The following TIMM10B variants were observed in gnomAD, a reference collection of about 807,000 sequenced individuals.
The protein encoded by TIMM10B is translocase of inner mitochondrial membrane 10B.
TIMM10B carries 17 observed loss-of-function variants against 12.6 expected under a neutral mutation model. That is an observed-to-expected ratio of 1.35 (90% CI 0.92 to 2.03). The LOEUF (loss-of-function observed/expected upper bound fraction) is 2.03, where lower values mean the gene tolerates loss of function less well. TIMM10B is among the 30% of genes most tolerant of loss of function. The pLI is 0.00. For missense variants in TIMM10B, 165 were observed against 133.3 expected (o/e 1.24, Z -1.17); for synonymous variants, 63 against 51.3 (o/e 1.23, Z -0.97).
rs1398868038 is a variant in TIMM10B, at chr11:6,483,794, C to G, written c.*1573C>G. On this transcript the variant is annotated 3_prime_UTR_variant, in exon 3 of 3. Transcript: ENST00000254616. The stretch of plus-strand genomic sequence containing the variant: ...TACAACTACCTACAAAGCAGATGTT[C>G]TATCCTATCTACAGAGCAGAAAATT... 6.6e-6 allele frequency: 1 copy of G among 152,178 alleles called. No homozygotes were observed. The highest frequency in any genetic ancestry group is 6.5e-5 in the Admixed American group (1 of 15,278). The allele number at this position is 152,178 out of a possible 1,614,324, so 9.4% of individuals were successfully genotyped here.
rs1034049849 is a variant in TIMM10B, at chr11:6,483,564, C to T, written c.*1343C>T. The T allele has an allele frequency of 6.6e-6, 1 of 152,404 alleles. No individual in the cohort carries two copies. Among genetic ancestry groups the T allele is most frequent in the Non-Finnish European group, 1.5e-5 (1 of 68,060 alleles). The allele number at this position is 152,404 out of a possible 1,614,324, so 9.4% of individuals were successfully genotyped here. On this transcript the variant is annotated 3_prime_UTR_variant, in exon 3 of 3. Coordinates refer to ENST00000254616, the MANE Select transcript of TIMM10B (RefSeq NM_012192.4). The stretch of plus-strand genomic sequence containing the variant: ...TCAAGGCCTCCAACCTCAGCCAAGT[C>T]CTCACACCAACACGCAGTCACACCA...
Position 6,482,315 on chromosome 11 carries a change from T to G in TIMM10B, c.*94T>G. The G allele has an allele frequency of 8.0e-7, 1 of 1,251,008 alleles. No homozygotes were observed. Among genetic ancestry groups the G allele is most frequent in the Non-Finnish European group, 1.1e-6 (1 of 921,690 alleles). 77.5% of individuals were successfully genotyped at this position (1,251,008 alleles called of 1,614,324 possible). A position where few individuals can be genotyped will look rare whatever the true frequency, so the allele number is the denominator to read the frequency against. On this transcript the variant is annotated 3_prime_UTR_variant, in exon 3 of 3. Transcript: ENST00000254616. Reference sequence around the variant, plus strand: ...GTTGGTGAATCCTAAACAGAGAGAATTCGAGGTTGCCTGAAAGCTGGGTGT... The same window carrying G: ...GTTGGTGAATCCTAAACAGAGAGAAGTCGAGGTTGCCTGAAAGCTGGGTGT...
In TIMM10B at chr11:6,481,861, C is replaced by T. The variant is rs1554961153; in HGVS notation, c.135+9C>T. ...CTCTGGACGCTGAGGAGGTGGGGAA[C>T]TGTGTAGGGAGGTTACGCTGCAAGA... is the stretch of plus-strand genomic sequence containing the variant. On this transcript the variant is annotated intron_variant, in intron 2 of 2. Transcript: ENST00000254616. 3 of 1,613,550 alleles carry T rather than the reference C, an allele frequency of 1.9e-6. No individual in the cohort carries two copies. Among genetic ancestry groups the T allele is most frequent in the Admixed American group, 3.3e-5 (2 of 60,020 alleles).
chr11:6,482,817 T>C lies in TIMM10B; in HGVS notation c.*596T>C, dbSNP rs1851849668. The C allele has an allele frequency of 6.6e-6, 1 of 152,534 alleles. No individual in the cohort carries two copies. Among genetic ancestry groups the C allele is most frequent in the Non-Finnish European group, 1.5e-5 (1 of 68,250 alleles). 9.4% of individuals were successfully genotyped at this position (152,534 alleles called of 1,614,324 possible). A position where few individuals can be genotyped will look rare whatever the true frequency, so the allele number is the denominator to read the frequency against. The stretch of plus-strand genomic sequence containing the variant: ...TTGTTGGTTCATAACTGTTGTTTTG[T>C]GAACTATGTCTTACATGTCTAGAGT... On this transcript the variant is annotated 3_prime_UTR_variant, in exon 3 of 3. Coordinates refer to ENST00000254616, the MANE Select transcript of TIMM10B (RefSeq NM_012192.4).
rs1001483841 is a variant in TIMM10B at position 6,482,248 on chromosome 11, C to T, written c.*27C>T. On this transcript the variant is annotated 3_prime_UTR_variant, in exon 3 of 3. Coordinates refer to ENST00000254616, the MANE Select transcript of TIMM10B (RefSeq NM_012192.4). ...CATACCCAACCCCAGGAAGGAAGGC[C>T]TTGGATGGACCCTCAGATTGAAGGA... 1.1e-5 allele frequency: 17 copies of T among 1,579,920 alleles called. No individual in the cohort carries two copies. Among genetic ancestry groups the T allele is most frequent in the Non-Finnish European group, 1.5e-5 (17 of 1,161,950 alleles).
Position 6,482,389 on chromosome 11 carries a change from A to G in TIMM10B, c.*168A>G. 2 of 619,458 alleles carry G rather than the reference A, an allele frequency of 3.2e-6. No homozygotes were observed. Among genetic ancestry groups the G allele is most frequent in the South Asian group, 2.2e-5 (1 of 45,442 alleles). 38.4% of individuals were successfully genotyped at this position (619,458 alleles called of 1,614,324 possible). A position where few individuals can be genotyped will look rare whatever the true frequency, so the allele number is the denominator to read the frequency against. ...ATATACCCAGTTTTTACTCAGTTTGATTTATATTCTGGGCAAGGAAGCTTT... is the reference window on the plus strand; with the variant it reads ...ATATACCCAGTTTTTACTCAGTTTGGTTTATATTCTGGGCAAGGAAGCTTT... On this transcript the variant is annotated 3_prime_UTR_variant, in exon 3 of 3. Transcript: ENST00000254616.
Position 6,482,237 on chromosome 11 carries a change from G to A in TIMM10B, c.*16G>A, listed in dbSNP as rs1851824404. ...AGGCAGCTAGCCATACCCAACCCCA[G>A]GAAGGAAGGCCTTGGATGGACCCTC... On this transcript the variant is annotated 3_prime_UTR_variant, in exon 3 of 3. Transcript: ENST00000254616. 1.9e-6 allele frequency: 3 copies of A among 1,592,752 alleles called. No homozygotes were observed. The African/African-American group carries it at 4.0e-5, about 21-fold the overall frequency.
chr11:6,482,407 G>A lies in TIMM10B; in HGVS notation c.*186G>A. On this transcript the variant is annotated 3_prime_UTR_variant, in exon 3 of 3. Coordinates refer to ENST00000254616, the MANE Select transcript of TIMM10B (RefSeq NM_012192.4). The stretch of plus-strand genomic sequence containing the variant: ...CAGTTTGATTTATATTCTGGGCAAG[G>A]AAGCTTTGCCTACTTTATTGGCACA... 1 of 588,470 alleles carries A rather than the reference G, an allele frequency of 1.7e-6. No homozygotes were observed. Among genetic ancestry groups the A allele is most frequent in the Non-Finnish European group, 3.0e-6 (1 of 336,668 alleles). 36.5% of individuals were successfully genotyped at this position (588,470 alleles called of 1,614,324 possible). A position where few individuals can be genotyped will look rare whatever the true frequency, so the allele number is the denominator to read the frequency against.
At chr11:6,481,589 G>C (rs1476446260) in intron 1 of TIMM10B, 34 bp downstream of exon 1, 1 of 1,585,694 alleles carries the variant, frequency 6.3e-7, no homozygotes, top group Admixed American at 1.8e-5. Context: ...GAGGCCAGAC[G>C]TTCAGCTCGC....
At position 6,481,868 on chromosome 11, in the gene TIMM10B, G is replaced by A; in HGVS notation, c.135+16G>A. ...CGCTGAGGAGGTGGGGAACTGTGTAGGGAGGTTACGCTGCAAGAAGAGTTT... is the reference window on the plus strand; with the variant it reads ...CGCTGAGGAGGTGGGGAACTGTGTAAGGAGGTTACGCTGCAAGAAGAGTTT... On this transcript the variant is annotated intron_variant, in intron 2 of 2. Coordinates refer to ENST00000254616, the MANE Select transcript of TIMM10B (RefSeq NM_012192.4). 6.2e-7 allele frequency: 1 copy of A among 1,613,188 alleles called. No individual in the cohort carries two copies. The highest frequency in any genetic ancestry group is 8.5e-7 in the Non-Finnish European group (1 of 1,179,946).
At chr11:6,481,978 G>A (rs1181879775) in intron 2 of TIMM10B, 67 bp from the exon 3 acceptor site, 3 of 1,594,270 alleles carry the variant, frequency 1.9e-6, no homozygotes, top group Admixed American at 1.7e-5. Flanking sequence ...GGCTGGGCAT[G>A]GGGAAGAAAG....
rs1048121 is a variant in TIMM10B, at chr11:6,482,345, G to A, written c.*124G>A. 0.17 allele frequency: 151,630 copies of A among 891,588 alleles called. 14,206 individuals are homozygous for A. Among genetic ancestry groups the A allele is most frequent in the South Asian group, 0.22 (12,652 of 56,610 alleles). 55.2% of individuals were successfully genotyped at this position (891,588 alleles called of 1,614,324 possible). A position where few individuals can be genotyped will look rare whatever the true frequency, so the allele number is the denominator to read the frequency against. On this transcript the variant is annotated 3_prime_UTR_variant, in exon 3 of 3. Coordinates refer to ENST00000254616, the MANE Select transcript of TIMM10B (RefSeq NM_012192.4). The stretch of plus-strand genomic sequence containing the variant: ...GGTTGCCTGAAAGCTGGGTGTCCTT[G>A]CTCCTTTTCCTGGAGCCAATATACC...
At position 6,482,454 on chromosome 11, in the gene TIMM10B, T is replaced by C; in HGVS notation, c.*233T>C. On this transcript the variant is annotated 3_prime_UTR_variant, in exon 3 of 3. Transcript: ENST00000254616. The stretch of plus-strand genomic sequence containing the variant: ...CACAATCCGTTGTTCTGTCGTTTAG[T>C]GCATATCTGCTGGCTTCAGCCCTGG... 2.0e-6 allele frequency: 1 copy of C among 506,572 alleles called. No individual in the cohort carries two copies. 31.4% of individuals were successfully genotyped at this position (506,572 alleles called of 1,614,324 possible). A position where few individuals can be genotyped will look rare whatever the true frequency, so the allele number is the denominator to read the frequency against.
Position 6,482,108 on chromosome 11 carries a change from T to G in TIMM10B, c.199T>G (p.Tyr67Asp), listed in dbSNP as rs1364744884. ...IHSNHRLMAA[Y>D]VQLMPALVQR... is the part of the protein sequence containing the mutation. ...TTCCAACCACCGCCTCATGGCCGCT[T>G]ACGTGCAGCTCATGCCTGCCCTGGT... The change falls in exon 3 of 3, where the codon TAC becomes GAC. Residue 67 changes from tyrosine (Y) to aspartate (D), a missense_variant. By Grantham distance (160) the Tyr-to-Asp change is radical (BLOSUM62 -3). Transcript: ENST00000254616. The G allele has an allele frequency of 1.2e-6, 2 of 1,613,818 alleles. No homozygotes were observed. The highest frequency in any genetic ancestry group is 1.7e-6 in the Non-Finnish European group (2 of 1,180,044).
chr11:6,482,238 G>A lies in TIMM10B; in HGVS notation c.*17G>A, dbSNP rs1851824611. The A allele has an allele frequency of 6.3e-7, 1 of 1,592,370 alleles. No homozygotes were observed. The highest frequency in any genetic ancestry group is 1.1e-5 in the South Asian group (1 of 90,662). On this transcript the variant is annotated 3_prime_UTR_variant, in exon 3 of 3. Coordinates refer to ENST00000254616, the MANE Select transcript of TIMM10B (RefSeq NM_012192.4). ...GGCAGCTAGCCATACCCAACCCCAG[G>A]AAGGAAGGCCTTGGATGGACCCTCA...
chr11:6,483,987 ATAAG>A lies in TIMM10B; in HGVS notation c.*1771_*1774del, dbSNP rs1414195496. The stretch of plus-strand genomic sequence containing the variant: ...CTTTATATTAATCTTTACAACAACT[ATAAG>A]TAAGAGGTATTAACCTCACTTAACA... On this transcript the variant is annotated 3_prime_UTR_variant, in exon 3 of 3. Transcript: ENST00000254616. The A allele has an allele frequency of 1.3e-5, 2 of 152,232 alleles. No individual in the cohort carries two copies. 9.4% of individuals were successfully genotyped at this position (152,232 alleles called of 1,614,324 possible). A position where few individuals can be genotyped will look rare whatever the true frequency, so the allele number is the denominator to read the frequency against.
In TIMM10B at chr11:6,481,819, C is replaced by T; in HGVS notation, c.102C>T (p.Pro34=). 2 of 1,613,700 alleles carry T rather than the reference C, an allele frequency of 1.2e-6. 1 individual carries two copies. Among genetic ancestry groups the T allele is most frequent in the Non-Finnish European group, 1.7e-6 (2 of 1,179,952 alleles). Residue 34 remains proline, a synonymous_variant, in exon 2 of 3, where the codon CCC becomes CCT. Coordinates refer to ENST00000254616, the MANE Select transcript of TIMM10B (RefSeq NM_012192.4). ...MTELCFQRCV[P]SLHHRALDAE... is the part of the protein sequence containing the mutation. ...AACTCTGCTTCCAGCGCTGTGTGCC[C>T]AGCTTGCACCACCGAGCTCTGGACG...
Position 6,483,992 on chromosome 11 carries a change from T to C in TIMM10B, c.*1771T>C, listed in dbSNP as rs566751875. On this transcript the variant is annotated 3_prime_UTR_variant, in exon 3 of 3. Coordinates refer to ENST00000254616, the MANE Select transcript of TIMM10B (RefSeq NM_012192.4). ...TATTAATCTTTACAACAACTATAAGTAAGAGGTATTAACCTCACTTAACAG... is the reference window on the plus strand; with the variant it reads ...TATTAATCTTTACAACAACTATAAGCAAGAGGTATTAACCTCACTTAACAG... The C allele has an allele frequency of 2.6e-5, 4 of 152,302 alleles. No homozygotes were observed. The South Asian group carries it at 8.3e-4, about 32-fold the overall frequency. 9.4% of individuals were successfully genotyped at this position (152,302 alleles called of 1,614,324 possible).
chr11:6,483,555 C>T lies in TIMM10B; in HGVS notation c.*1334C>T, dbSNP rs1002483645. 1 of 152,428 alleles carries T rather than the reference C, an allele frequency of 6.6e-6. No homozygotes were observed. Among genetic ancestry groups the T allele is most frequent in the African/African-American group, 2.4e-5 (1 of 41,450 alleles). 9.4% of individuals were successfully genotyped at this position (152,428 alleles called of 1,614,324 possible). A position where few individuals can be genotyped will look rare whatever the true frequency, so the allele number is the denominator to read the frequency against. ...ACTAAATATTCAAGGCCTCCAACCTCAGCCAAGTCCTCACACCAACACGCA... is the reference window on the plus strand; with the variant it reads ...ACTAAATATTCAAGGCCTCCAACCTTAGCCAAGTCCTCACACCAACACGCA... On this transcript the variant is annotated 3_prime_UTR_variant, in exon 3 of 3. Coordinates refer to ENST00000254616, the MANE Select transcript of TIMM10B (RefSeq NM_012192.4).
Sources: allele counts gnomAD v4.1 joint callset, GRCh38; gene constraint gnomAD v4.1.1; transcripts MANE v1.5; gene names NCBI Gene and HGNC (gene_info 2026-07-23, HGNC 2026-07-21).